SFXN1: variants seen among roughly 807,000 people sequenced by gnomAD.
SFXN1 encodes sideroflexin 1.
In SFXN1, 32 loss-of-function variants were observed where a neutral mutation model predicts 39.5. That is an observed-to-expected ratio of 0.81 (90% CI 0.61 to 1.09). The LOEUF (loss-of-function observed/expected upper bound fraction) is 1.09. SFXN1 is among the 50% of genes least tolerant of loss of function. The pLI is 0.00. For missense variants in SFXN1, 402 were observed against 407.1 expected, an observed-to-expected ratio of 0.99 and a Z score of 0.11; for synonymous variants, 136 against 146.5, an observed-to-expected ratio of 0.93 and a Z score of 0.52.
At chr5:175,487,027 C>T (rs1227685257) in intron 1 of SFXN1, among the ~76,000 whole-genome samples, 1 of 152,058 alleles carries the variant, frequency 6.6e-6, no homozygotes, top group Non-Finnish European at 1.5e-5. Context: ...CTGAGAAAAA[C>T]CCATATCAGA....
intron 1 of SFXN1, among the ~76,000 whole-genome samples, chr5:175,481,631 T>C (rs1759254725): frequency 6.6e-6 from 1 of 152,112 alleles, no homozygotes; most frequent in Non-Finnish European, 1.5e-5. Context: ...GTTTTAAAGT[T>C]AGTAGAATAG....
rs565247710 is a variant in SFXN1 at position 175,526,708 on chromosome 5, C to A, written c.943C>A (p.Arg315Ser). 8 of 1,614,186 alleles carry A rather than the reference C, an allele frequency of 5.0e-6. No homozygotes were observed. The highest frequency in any genetic ancestry group is 4.2e-6 in the Non-Finnish European group (5 of 1,180,010). ...CCAAGAGAGCCATCCTGAATTGCGA[C>A]GCGTGTACTTCAATAAGGGATTGTA... Reference protein sequence around the residue: ...KIQESHPELRRVYFNKGL With the variant: ...KIQESHPELRSVYFNKGL Residue 315 changes from arginine to serine, a missense_variant, in exon 11 of 11, where the codon CGC becomes AGC. Physicochemically the swap from Arg to Ser is moderately radical, Grantham distance 110 (BLOSUM62 -1). Coordinates refer to ENST00000321442, the MANE Select transcript of SFXN1 (RefSeq NM_022754.7).
At chr5:175,487,448 T>C (rs1388640235) in intron 1 of SFXN1, among the ~76,000 whole-genome samples, 2 of 152,156 alleles carry the variant, frequency 1.3e-5, no homozygotes, top group Non-Finnish European at 2.9e-5. Flanking sequence ...AGTGACCGGC[T>C]ACCAAGGTGT....
At chr5:175,492,690 G>C (rs911184293) in intron 2 of SFXN1, 1 of 158,274 alleles carries the variant, frequency 6.3e-6, no homozygotes, top group Non-Finnish European at 1.4e-5. Flanking sequence ...GGCCCAGTAA[G>C]TAAAGTCCTG....
rs1350840162 is a variant in SFXN1 at position 175,512,721 on chromosome 5, CTTAGTG to C, written c.596+531_596+536del. Among the ~76,000 whole-genome samples the C allele has an allele frequency of 3.3e-5, 5 of 152,092 alleles. No homozygotes were observed. In the South Asian group the frequency reaches 1.0e-3, roughly 32 times the overall value. ...AACAGGGGTAACGGTAGAAGTTATA[CTTAGTG>C]TTAGTAAATATAGTTAATAAATATA... On this transcript the variant is annotated intron_variant, in intron 6 of 10. Transcript: ENST00000321442.
In SFXN1 at chr5:175,509,146, G is replaced by A. The variant is rs139893508; in HGVS notation, c.279G>A (p.Met93Ile). ...TGEKMILIGR[M>I]SAQVPMNMTI... Reference sequence around the variant, plus strand: ...AGAAGATGATTTTGATAGGAAGAATGTCAGCCCAGGTTCCCATGAACATGA... The same window carrying A: ...AGAAGATGATTTTGATAGGAAGAATATCAGCCCAGGTTCCCATGAACATGA... Residue 93 changes from methionine to isoleucine, a missense_variant, in exon 3 of 11, where the codon ATG becomes ATA. By Grantham distance (10) the Met-to-Ile change is conservative (BLOSUM62 1). Transcript: ENST00000321442. The A allele has an allele frequency of 9.3e-6, 15 of 1,613,754 alleles. No individual in the cohort carries two copies. Among genetic ancestry groups the A allele is most frequent in the Non-Finnish European group, 1.7e-6 (2 of 1,179,870 alleles).
At chr5:175,490,165 G>A (rs963079647) in intron 1 of SFXN1, among the ~76,000 whole-genome samples, 3 of 152,142 alleles carry the variant, frequency 2.0e-5, no homozygotes, top group Non-Finnish European at 4.4e-5. Flanking sequence ...CACTCTTCAC[G>A]TTATGATTTC....
At chr5:175,488,737 G>A (rs1390491810) in intron 1 of SFXN1, among the ~76,000 whole-genome samples, 2 of 152,062 alleles carry the variant, frequency 1.3e-5, no homozygotes, top group East Asian at 1.9e-4. Flanking sequence ...TCAATGAGAC[G>A]TGCCTTGACT....
At position 175,489,454 on chromosome 5, in the gene SFXN1, C is replaced by T. The variant is rs540945624; in HGVS notation, c.-9-2641C>T. Among the ~76,000 whole-genome samples, 5 of 152,282 alleles carry T rather than the reference C, an allele frequency of 3.3e-5. No individual in the cohort carries two copies. The East Asian group carries it at 5.8e-4, about 18-fold the overall frequency. ...TCAGCAGAGCCCAAGCCTCTGTAGA[C>T]GAGTCTGAAGAGTGCTGCTTTTCAG... is the stretch of plus-strand genomic sequence containing the variant. On this transcript the variant is annotated intron_variant, in intron 1 of 10. Transcript: ENST00000321442.
chr5:175,484,364 C>A (rs1759370002), intron 1 of SFXN1, among the ~76,000 whole-genome samples: 1 of 152,244 alleles, frequency 6.6e-6, no homozygotes, highest in Non-Finnish European at 1.5e-5. Context: ...CACCCCATGA[C>A]CTCGTTCCCT....
chr5:175,515,632 C>A (rs1274135886), intron 7 of SFXN1, among the ~76,000 whole-genome samples: 1 of 152,092 alleles, frequency 6.6e-6, no homozygotes, highest in African/African-American at 2.4e-5. Flanking sequence ...AGCTGAGGCT[C>A]AGAGAAGTTA....
rs1364583490 is a variant in SFXN1, at chr5:175,513,317, AAAAAAAAC to A, written c.597-144_597-137del. On this transcript the variant is annotated intron_variant, in intron 6 of 10. Transcript: ENST00000321442. ...ACTGTAAAAAAAAAAAAAAAAAAAAAAAAAAAACAGATGTGTCAGTACCAAAAATGACA... is the reference window on the plus strand; with the variant it reads ...ACTGTAAAAAAAAAAAAAAAAAAAAAAGATGTGTCAGTACCAAAAATGACA... 10 of 752,530 alleles carry A rather than the reference AAAAAAAAC, an allele frequency of 1.3e-5. No individual in the cohort carries two copies. The African/African-American group carries it at 1.4e-4, about 11-fold the overall frequency. The allele number at this position is 752,530 out of a possible 1,614,324, so 46.6% of individuals were successfully genotyped here.
intron 4 of SFXN1, among the ~76,000 whole-genome samples, chr5:175,510,972 T>C (rs2644671): frequency 0.32 from 48,441 of 152,040 alleles, 8,997 homozygotes; most frequent in African/African-American, 0.51. Context: ...AGTTTTTGGA[T>C]GATAAGACTT....
chr5:175,507,331 T>G (rs1263337154), intron 2 of SFXN1, among the ~76,000 whole-genome samples: 1 of 152,096 alleles, frequency 6.6e-6, no homozygotes. Context: ...AGGTTGCAGG[T>G]GAGACATGAA....
intron 1 of SFXN1, among the ~76,000 whole-genome samples, chr5:175,484,684 C>T (rs991434266): frequency 6.6e-6 from 1 of 152,252 alleles, no homozygotes; most frequent in Admixed American, 6.5e-5. Context: ...CTCCTCAGCC[C>T]AGGCCCCGTG....
At chr5:175,495,895 A>T (rs546931846) in intron 2 of SFXN1, among the ~76,000 whole-genome samples, 4 of 145,264 alleles carry the variant, frequency 2.8e-5, no homozygotes, top group African/African-American at 1.0e-4. Context: ...AAAAGAGATT[A>T]AAAGTGGCTT....
At chr5:175,511,571 T>A (rs1561670054) in intron 5 of SFXN1, 45 bp downstream of exon 5, 1 of 1,485,840 alleles carries the variant, frequency 6.7e-7, no homozygotes, top group Non-Finnish European at 9.4e-7. Flanking sequence ...TAATTTGTTA[T>A]CACCTGCCTG....
intron 2 of SFXN1, 97 bp from the exon 3 acceptor site, chr5:175,508,934 CA>C: frequency 3.3e-6 from 4 of 1,212,000 alleles, no homozygotes; most frequent in Non-Finnish European, 4.6e-6. Flanking sequence ...CACACCCAGC[CA>C]GAGCATAAAC....
At chr5:175,487,339 C>T (rs976623484) in intron 1 of SFXN1, among the ~76,000 whole-genome samples, 5 of 152,186 alleles carry the variant, frequency 3.3e-5, no homozygotes, top group African/African-American at 9.7e-5. Flanking sequence ...CAGGAATAAA[C>T]GGTTTCCCAA....
Sources: gnomAD v4.1 joint callset for allele counts (sites outside exome capture counted in the v4.1 genomes callset) on GRCh38, gnomAD v4.1.1 for gene constraint, MANE v1.5 for transcripts, NCBI Gene and HGNC (gene_info 2026-07-23, HGNC 2026-07-21) for gene names.